The following TRPV2 variants were observed in gnomAD, a reference collection of about 807,000 sequenced individuals.
TRPV2 encodes transient receptor potential cation channel subfamily V member 2, also known as OTRPC2.
A neutral mutation model predicts 91.0 loss-of-function variants in TRPV2; 58 were observed. The ratio of observed to expected loss-of-function variants is 0.64; its 90% CI spans 0.52 to 0.79. The LOEUF (loss-of-function observed/expected upper bound fraction) is 0.79, where lower values mean the gene tolerates loss of function less well. TRPV2 is among the 30% of genes least tolerant of loss of function. The pLI is 0.00. For synonymous variants in TRPV2, 417 were observed against 414.8 expected (o/e 1.01, Z -0.06); for missense variants, 807 against 969.6 (o/e 0.83, Z 2.23).
At position 16,426,977 on chromosome 17, in the gene TRPV2, T is replaced by C; in HGVS notation, c.1251+100T>C. On this transcript the variant is annotated intron_variant, in intron 7 of 14. Coordinates refer to ENST00000338560, the MANE Select transcript of TRPV2 (RefSeq NM_016113.5). The surrounding 1 kb of genome is among the most constrained non-coding windows in gnomAD (Gnocchi z 6.0). ...GTAATAGTGCTGAGGCATGGGCTGC[T>C]GGAGTGACATTCCCAAGCTTATGGG... 7.3e-7 allele frequency: 1 copy of C among 1,365,454 alleles called. No homozygotes were observed. 84.6% of individuals were successfully genotyped at this position (1,365,454 alleles called of 1,614,324 possible). A position where few individuals can be genotyped will look rare whatever the true frequency, so the allele number is the denominator to read the frequency against.
In TRPV2 at chr17:16,422,723, T is replaced by C. The variant is rs367600759; in HGVS notation, c.459T>C (p.Asn153=). The C allele has an allele frequency of 1.4e-5, 22 of 1,601,952 alleles. No individual in the cohort carries two copies. The highest frequency in any genetic ancestry group is 1.9e-5 in the Non-Finnish European group (22 of 1,173,694). The change falls in exon 4 of 15, where the codon AAT becomes AAC. Residue 153 remains asparagine (N), a synonymous_variant. Coordinates refer to ENST00000338560, the MANE Select transcript of TRPV2 (RefSeq NM_016113.5). ...CTGGCAATCCTCAGCCCCTGGTAAA[T>C]GCCCAGTGCACAGATGACTATTACC... ...RDSGNPQPLV[N]AQCTDDYYRG... is the part of the protein sequence containing the mutation.
intron 12 of TRPV2, 75 bp downstream of exon 12, chr17:16,432,375 GCT>G: frequency 2.2e-6 from 3 of 1,395,208 alleles, no homozygotes; most frequent in Non-Finnish European, 2.9e-6. Flanking sequence ...ACCCTGCGGA[GCT>G]GGGCCTTCCC....
chr17:16,417,387 C>T (rs1181476958), intron 1 of TRPV2, among the ~76,000 whole-genome samples, 175 bp from the exon 2 acceptor site: 1 of 151,598 alleles, frequency 6.6e-6, no homozygotes, highest in African/African-American at 2.4e-5. Flanking sequence ...ATTACAGGCA[C>T]AAGCCACCAT....
At chr17:16,428,442 C>T (rs1160478012) in intron 9 of TRPV2, 55 bp downstream of exon 9, 1 of 1,577,260 alleles carries the variant, frequency 6.3e-7, no homozygotes, top group East Asian at 2.2e-5. Context: ...CTGGAAGGGG[C>T]AGTTGTGGCA....
At chr17:16,433,744 AATCCCTGGGGCCCCCCTGC>A in intron 13 of TRPV2, 46 bp downstream of exon 13, 1 of 1,603,802 alleles carries the variant, frequency 6.2e-7, no homozygotes, top group Non-Finnish European at 8.5e-7. Context: ...GCTGTCCAGC[AATCCCTGGGGCCCCCCTGC>A]AGTGCAGGGC....
chr17:16,436,675 G>A, intron 14 of TRPV2, 114 bp from the exon 15 acceptor site: 1 of 740,706 alleles, frequency 1.4e-6, no homozygotes, highest in Non-Finnish European at 2.4e-6. Flanking sequence ...CAGGATCGCT[G>A]AGGCTGTCCC....
chr17:16,431,291 A>T (rs113454006), intron 10 of TRPV2, among the ~76,000 whole-genome samples: 2,795 of 67,294 alleles, frequency 0.042, 94 homozygotes, highest in African/African-American at 0.064. Flanking sequence ...ATATATACAT[A>T]TTTTTTTTTT....
rs2093435752 is a variant in TRPV2, at chr17:16,436,832, T to C, written c.2238T>C (p.Asp746=). Residue 746 remains aspartate (D), a synonymous_variant, in exon 15 of 15, where the codon GAT becomes GAC. Transcript: ENST00000338560. ...TCCTGGCTTCCCCTCCCAAGGAGGA[T>C]GAGGATGGTGCCTCTGAGGAAAACT... ...NPVLASPPKE[D]EDGASEENYV... is the part of the protein sequence containing the mutation. 6.2e-7 allele frequency: 1 copy of C among 1,614,038 alleles called. No homozygotes were observed. The highest frequency in any genetic ancestry group is 8.5e-7 in the Non-Finnish European group (1 of 1,179,916).
At chr17:16,416,081 A>T (rs72838762) in intron 1 of TRPV2, 44,139 of 152,430 alleles carry the variant, frequency 0.29, 6,860 homozygotes, top group African/African-American at 0.41. Flanking sequence ...TTGGGAGTCT[A>T]GGGCTGGAGG....
chr17:16,419,386 ATTGGGCCCAGCG>A (rs1437086410), intron 2 of TRPV2: 27 of 470,914 alleles, frequency 5.7e-5, no homozygotes, highest in Non-Finnish European at 1.1e-4. Flanking sequence ...ATGTTTCAAC[ATTGGGCCCAGCG>A]TTGGGCCCAG....
chr17:16,421,666 C>T (rs1261051983), intron 3 of TRPV2, among the ~76,000 whole-genome samples: 5 of 151,656 alleles, frequency 3.3e-5, no homozygotes, highest in African/African-American at 9.7e-5. Flanking sequence ...GGATTACAGG[C>T]GCCCAGCACT....
In TRPV2 at chr17:16,427,563, C is replaced by G. The variant is rs751233965; in HGVS notation, c.1350+16C>G. ...CGTGGGCCAGGTGAGTGCCCCTCCCCTTCTCCTACCAAGAAGCAAACCTAG... is the reference window on the plus strand; with the variant it reads ...CGTGGGCCAGGTGAGTGCCCCTCCCGTTCTCCTACCAAGAAGCAAACCTAG... On this transcript the variant is annotated intron_variant, in intron 8 of 14. Transcript: ENST00000338560. 9 of 1,602,046 alleles carry G rather than the reference C, an allele frequency of 5.6e-6. No homozygotes were observed. The highest frequency in any genetic ancestry group is 7.7e-6 in the Non-Finnish European group (9 of 1,172,714).
Position 16,427,529 on chromosome 17 carries a change from C to T in TRPV2, c.1332C>T (p.Ile444=), listed in dbSNP as rs1001807318. The change falls in exon 8 of 15, where the codon ATC becomes ATT. Residue 444 remains isoleucine, a synonymous_variant. Coordinates refer to ENST00000338560, the MANE Select transcript of TRPV2 (RefSeq NM_016113.5). ...ACATCCTTATCCTGCTAGGGGGGAT[C>T]TACCTCCTCGTGGGCCAGGTGAGTG... ...TGHILILLGG[I]YLLVGQLWYF... 1 of 1,613,000 alleles carries T rather than the reference C, an allele frequency of 6.2e-7. No individual in the cohort carries two copies. The highest frequency in any genetic ancestry group is 1.3e-5 in the African/African-American group (1 of 74,912).
rs1200733556 is a variant in TRPV2, at chr17:16,434,904, A to G, written c.2129A>G (p.Asn710Ser). 1.2e-6 allele frequency: 2 copies of G among 1,611,858 alleles called. No homozygotes were observed. Among genetic ancestry groups the G allele is most frequent in the African/African-American group, 2.7e-5 (2 of 74,876 alleles). Residue 710 changes from asparagine to serine, a missense_variant, in exon 14 of 15, where the codon AAC becomes AGC. Physicochemically the swap from Asn to Ser is conservative, Grantham distance 46. Coordinates refer to ENST00000338560, the MANE Select transcript of TRPV2 (RefSeq NM_016113.5). ...ERWCFRVEEVNWASWEQTLPT... is the reference protein window; with the variant it reads ...ERWCFRVEEVSWASWEQTLPT... ...GTTGCCCTCAGGGTGGAGGAGGTGA[A>G]CTGGGCTTCATGGGAGCAGACGCTG...
rs1366879255 is a variant in TRPV2, at chr17:16,426,757, C to A, written c.1131C>A (p.Asn377Lys). ...RHRMVVLEPLNKLLQAKWDLL... is the reference protein window; with the variant it reads ...RHRMVVLEPLKKLLQAKWDLL... ...GAATGGTCGTTTTGGAGCCCCTGAA[C>A]AAACTGCTGCAGGCGAAATGGGATC... Residue 377 changes from asparagine to lysine, a missense_variant, in exon 7 of 15, where the codon AAC (asparagine) becomes AAA (lysine). Transcript: ENST00000338560. This position sits in a 1 kb window ranked among gnomAD's most constrained non-coding sequence, Gnocchi z 6.0. The A allele has an allele frequency of 6.2e-7, 1 of 1,614,062 alleles. No homozygotes were observed. The highest frequency in any genetic ancestry group is 1.1e-5 in the South Asian group (1 of 91,076).
rs2093337231 is a variant in TRPV2, at chr17:16,417,640, G to A, written c.-29G>A. On this transcript the variant is annotated 5_prime_UTR_variant, in exon 2 of 15. Transcript: ENST00000338560. ...CATCTCCATCTGCACAGAGGTCCTGGCTGGACCGAGCAGCCTCCTCCTCCT... is the reference window on the plus strand; with the variant it reads ...CATCTCCATCTGCACAGAGGTCCTGACTGGACCGAGCAGCCTCCTCCTCCT... 2 of 1,612,060 alleles carry A rather than the reference G, an allele frequency of 1.2e-6. No homozygotes were observed. Among genetic ancestry groups the A allele is most frequent in the East Asian group, 4.5e-5 (2 of 44,846 alleles).
chr17:16,426,309 CAG>C lies in TRPV2; in HGVS notation c.1095+43_1095+44del, dbSNP rs762307581. On this transcript the variant is annotated intron_variant, in intron 6 of 14. Transcript: ENST00000338560. The surrounding 1 kb of genome is among the most constrained non-coding windows in gnomAD (Gnocchi z 6.0). ...GCATGGGTGCACGCAGAGGACCCAG[CAG>C]AGTTTCCAGCAAGGTCCACAAATTG... 25 of 1,604,840 alleles carry C rather than the reference CAG, an allele frequency of 1.6e-5. No homozygotes were observed. In the South Asian group the frequency reaches 2.7e-4, roughly 17 times the overall value.
At chr17:16,433,189 A>C (rs543840850) in intron 12 of TRPV2, 2 of 193,932 alleles carry the variant, frequency 1.0e-5, no homozygotes, top group East Asian at 2.9e-4. Flanking sequence ...TCTGTGCCCC[A>C]CCTGACTCAC....
chr17:16,417,511 C>T (rs903532636), intron 1 of TRPV2, 51 bp from the exon 2 acceptor site: 2 of 707,272 alleles, frequency 2.8e-6, no homozygotes, highest in Admixed American at 2.8e-5. Flanking sequence ...TGGGATTACA[C>T]CCAGCCACCA....
Sources: allele counts gnomAD v4.1 joint callset (sites outside exome capture counted in the v4.1 genomes callset), GRCh38; gene constraint gnomAD v4.1.1; non-coding constraint Gnocchi (gnomAD v3.1); transcripts MANE v1.5; gene names NCBI Gene and HGNC (gene_info 2026-07-23, HGNC 2026-07-21).